The following SYNPR variants were observed in gnomAD, a reference collection of about 807,000 sequenced individuals.
The protein encoded by SYNPR is synaptoporin.
SYNPR carries 23 observed loss-of-function variants against 32.9 expected under a neutral mutation model. The ratio of observed to expected loss-of-function variants is 0.70; its 90% CI spans 0.50 to 0.99. The LOEUF (loss-of-function observed/expected upper bound fraction) is 0.99, where lower values mean the gene tolerates loss of function less well. Ranked by LOEUF, SYNPR falls within the 50% of genes least tolerant of loss-of-function variation. SYNPR has a pLI of 0.00. For synonymous variants in SYNPR, 146 were observed against 135.9 expected, an observed-to-expected ratio of 1.07 and a Z score of -0.52; for missense variants, 318 against 349.3, an observed-to-expected ratio of 0.91 and a Z score of 0.71.
intron 3 of SYNPR, among the ~76,000 whole-genome samples, chr3:63,538,910 A>T (rs1702254638): frequency 6.6e-6 from 1 of 152,120 alleles, no homozygotes; most frequent in African/African-American, 2.4e-5. Context: ...TTACTTTTTT[A>T]AATATGATTT....
chr3:63,340,640 C>T (rs541990555), intron 2 of SYNPR, among the ~76,000 whole-genome samples: 5 of 151,772 alleles, frequency 3.3e-5, no homozygotes, highest in Admixed American at 1.3e-4. Flanking sequence ...GGGATGGTCT[C>T]GATCTCCTGA....
intron 2 of SYNPR, among the ~76,000 whole-genome samples, chr3:63,344,586 G>A (rs1259457080): frequency 7.3e-6 from 1 of 136,146 alleles, no homozygotes; most frequent in African/African-American, 2.8e-5. Context: ...ATTAATAAGA[G>A]TAGTTAGTGT....
At chr3:63,509,163 CACAG>C (rs1190927684) in intron 3 of SYNPR, among the ~76,000 whole-genome samples, 2 of 151,256 alleles carry the variant, frequency 1.3e-5, no homozygotes, top group Non-Finnish European at 2.9e-5. Context: ...TATATACACA[CACAG>C]ACACACACAA....
At chr3:63,302,807 T>G (rs2086870961) in intron 2 of SYNPR, among the ~76,000 whole-genome samples, 1 of 152,036 alleles carries the variant, frequency 6.6e-6, no homozygotes, top group South Asian at 2.1e-4. Context: ...AAATATATGG[T>G]TTGATAGAAG....
intron 2 of SYNPR, among the ~76,000 whole-genome samples, chr3:63,392,541 G>A (rs1372401801): frequency 6.6e-6 from 1 of 152,160 alleles, no homozygotes; most frequent in East Asian, 1.9e-4. Flanking sequence ...GAGAATCCAG[G>A]GAGATAATGT....
upstream of SYNPR, among the ~76,000 whole-genome samples, chr3:63,224,188 C>T (rs1461430831): frequency 6.6e-6 from 1 of 152,162 alleles, no homozygotes; most frequent in Non-Finnish European, 1.5e-5. Context: ...CCAGCATTAT[C>T]GCCTGAGCTT....
intron 4 of SYNPR, among the ~76,000 whole-genome samples, chr3:63,564,345 C>T (rs1433755370): frequency 6.6e-6 from 1 of 151,876 alleles, no homozygotes; most frequent in Admixed American, 6.6e-5. Flanking sequence ...TACAGGGGTG[C>T]ACCACCATGC....
intron 2 of SYNPR, among the ~76,000 whole-genome samples, chr3:63,422,360 A>T (rs1350960436): frequency 1.3e-5 from 2 of 152,024 alleles, no homozygotes; most frequent in African/African-American, 4.8e-5. Flanking sequence ...ATGTAGACAC[A>T]TGAAAAAAAA....
At chr3:63,476,009 C>T (rs1029659097) in intron 2 of SYNPR, among the ~76,000 whole-genome samples, 7 of 149,390 alleles carry the variant, frequency 4.7e-5, no homozygotes, top group Non-Finnish European at 8.9e-5. Flanking sequence ...TCCACCCCAC[C>T]AAGCGTAAAA....
In SYNPR at chr3:63,304,354, T is replaced by TTGTGTG. The variant is rs34570930; in HGVS notation, c.84+25636_84+25641dup. Among the ~76,000 whole-genome samples the TTGTGTG allele has an allele frequency of 4.4e-3, 646 of 146,614 alleles. 5 individuals are homozygous for TTGTGTG. Among genetic ancestry groups the TTGTGTG allele is most frequent in the African/African-American group, 0.015 (614 of 40,180 alleles). On this transcript the variant is annotated intron_variant, in intron 2 of 5. Transcript: ENST00000478300. Reference sequence around the variant, plus strand: ...CAAGAAAAAGAAAGTGTGTGTGTGTTTGTGTGTGTGTGTGTGTGTGTGTGT... The same window carrying TTGTGTG: ...CAAGAAAAAGAAAGTGTGTGTGTGTTTGTGTGTGTGTGTGTGTGTGTGTGTGTGTGT...
At chr3:63,286,152 A>C (rs957517608) in intron 2 of SYNPR, among the ~76,000 whole-genome samples, 1 of 152,074 alleles carries the variant, frequency 6.6e-6, no homozygotes, top group African/African-American at 2.4e-5. Flanking sequence ...GTCTATTTTT[A>C]CCATAGTATG....
chr3:63,577,618 T>A (rs921236252), intron 4 of SYNPR, among the ~76,000 whole-genome samples: 3 of 152,078 alleles, frequency 2.0e-5, no homozygotes, highest in African/African-American at 7.2e-5. Context: ...TGTGTAGGTG[T>A]ATGAATGTAG....
intron 2 of SYNPR, among the ~76,000 whole-genome samples, chr3:63,434,792 G>A (rs1700051508): frequency 6.6e-6 from 1 of 151,960 alleles, no homozygotes; most frequent in African/African-American, 2.4e-5. Flanking sequence ...AATAATAGAA[G>A]GAAAACAAAC....
At chr3:63,260,723 G>A (rs112351742) in intron 2 of SYNPR, among the ~76,000 whole-genome samples, 111,171 of 150,600 alleles carry the variant, frequency 0.74, 42,176 homozygotes, top group Middle Eastern at 0.85. Flanking sequence ...TGACAAATGG[G>A]ATCTAATTAA....
intron 2 of SYNPR, among the ~76,000 whole-genome samples, chr3:63,404,625 T>G (rs1170189778): frequency 1.3e-5 from 2 of 152,156 alleles, no homozygotes; most frequent in Non-Finnish European, 2.9e-5. Flanking sequence ...CAGAGACCCC[T>G]GTGCTTCAAA....
intron 3 of SYNPR, among the ~76,000 whole-genome samples, chr3:63,533,589 T>C (rs1240798266): frequency 6.6e-6 from 1 of 152,062 alleles, no homozygotes; most frequent in Non-Finnish European, 1.5e-5. Context: ...GTGAAGACAT[T>C]CACATAATGA....
intron 3 of SYNPR, among the ~76,000 whole-genome samples, chr3:63,482,138 T>C (rs1445546677): frequency 6.6e-6 from 1 of 152,110 alleles, no homozygotes. Flanking sequence ...TCTAATTTCA[T>C]AAAATCCCTG....
chr3:63,539,753 G>C (rs901404008), intron 3 of SYNPR, among the ~76,000 whole-genome samples: 3 of 152,156 alleles, frequency 2.0e-5, no homozygotes, highest in Non-Finnish European at 4.4e-5. Flanking sequence ...GAGCAAGCCA[G>C]TAAAGTTTGC....
intron 2 of SYNPR, among the ~76,000 whole-genome samples, chr3:63,381,580 G>A (rs2087971344): frequency 6.6e-6 from 1 of 152,156 alleles, no homozygotes; most frequent in Admixed American, 6.6e-5. Context: ...CTTTCAACAT[G>A]CCTACATTTT....
Sources: gnomAD v4.1 joint callset for allele counts (sites outside exome capture counted in the v4.1 genomes callset) on GRCh38, gnomAD v4.1.1 for gene constraint, MANE v1.5 for transcripts, NCBI Gene and HGNC (gene_info 2026-07-23, HGNC 2026-07-21) for gene names.